PELO: variants seen among roughly 807,000 people sequenced by gnomAD.
PELO encodes the protein protein pelota homolog.
In PELO, 19 loss-of-function variants were observed where a neutral mutation model predicts 25.9. The observed-to-expected ratio is 0.73, with a 90% CI of 0.51 to 1.08. PELO has a LOEUF of 1.08. Ranked by LOEUF, PELO falls within the 50% of genes least tolerant of loss-of-function variation. The probability of loss-of-function intolerance (pLI) is 0.00; values close to 1 mark genes in which losing one functional copy is unlikely to be tolerated. For synonymous variants in PELO, 196 were observed against 192.2 expected, an observed-to-expected ratio of 1.02 and a Z score of -0.16; for missense variants, 498 against 491.4, an observed-to-expected ratio of 1.01 and a Z score of -0.13.
In PELO at chr5:52,803,684, T is replaced by C. The variant is rs1301958823; in HGVS notation, c.*1844T>C. On this transcript the variant is annotated 3_prime_UTR_variant, in exon 3 of 3. Transcript: ENST00000274311. Reference sequence around the variant, plus strand: ...TGATTCCAATAGGCGTCAAGGCTAATAGCCACTGATTCAGGCCTTGCTATT... The same window carrying C: ...TGATTCCAATAGGCGTCAAGGCTAACAGCCACTGATTCAGGCCTTGCTATT... The C allele has an allele frequency of 6.6e-6, 1 of 152,204 alleles. No individual in the cohort carries two copies. The highest frequency in any genetic ancestry group is 1.5e-5 in the Non-Finnish European group (1 of 68,052). The allele number at this position is 152,204 out of a possible 1,614,324, so 9.4% of individuals were successfully genotyped here.
chr5:52,790,402 A>C (rs1340705433), intron 1 of PELO, among the ~76,000 whole-genome samples: 1 of 152,188 alleles, frequency 6.6e-6, no homozygotes, highest in Non-Finnish European at 1.5e-5. Context: ...CACCAGCTTA[A>C]AACAACATAA....
rs931775998 is a variant in PELO, at chr5:52,801,964, T to A, written c.*124T>A. The A allele has an allele frequency of 1.5e-6, 1 of 670,574 alleles. No homozygotes were observed. Among genetic ancestry groups the A allele is most frequent in the Non-Finnish European group, 2.5e-6 (1 of 404,980 alleles). The allele number at this position is 670,574 out of a possible 1,614,324, so 41.5% of individuals were successfully genotyped here. On this transcript the variant is annotated 3_prime_UTR_variant, in exon 3 of 3. Transcript: ENST00000274311. ...TTGATTCATACAGGGATTTCTTATGTCTTTGGCTACACTAGATATTTTGTG... is the reference window on the plus strand; with the variant it reads ...TTGATTCATACAGGGATTTCTTATGACTTTGGCTACACTAGATATTTTGTG...
intron 1 of PELO, among the ~76,000 whole-genome samples, chr5:52,796,511 T>C (rs558002905): frequency 1.3e-5 from 2 of 152,148 alleles, no homozygotes; most frequent in East Asian, 3.9e-4. Flanking sequence ...CTCAATACTT[T>C]GCTCATTTGG....
In PELO at chr5:52,802,219, T is replaced by C. The variant is rs1748503680; in HGVS notation, c.*379T>C. ...AGTTTTCCTTAGAAAAAGCTTTTGC[T>C]ATCTTATCCTGTTTACATTATTTCT... On this transcript the variant is annotated 3_prime_UTR_variant, in exon 3 of 3. Transcript: ENST00000274311. 6.1e-6 allele frequency: 1 copy of C among 165,256 alleles called. No individual in the cohort carries two copies. The highest frequency in any genetic ancestry group is 5.9e-5 in the Admixed American group (1 of 16,944). The allele number at this position is 165,256 out of a possible 1,614,324, so 10.2% of individuals were successfully genotyped here. A position where few individuals can be genotyped will look rare whatever the true frequency, so the allele number is the denominator to read the frequency against.
rs548285982 is a variant in PELO, at chr5:52,803,219, T to C, written c.*1379T>C. The C allele has an allele frequency of 1.3e-5, 2 of 152,346 alleles. No individual in the cohort carries two copies. Among genetic ancestry groups the C allele is most frequent in the South Asian group, 2.1e-4 (1 of 4,828 alleles). The allele number at this position is 152,346 out of a possible 1,614,324, so 9.4% of individuals were successfully genotyped here. A position where few individuals can be genotyped will look rare whatever the true frequency, so the allele number is the denominator to read the frequency against. Reference sequence around the variant, plus strand: ...CTAGTCTGAACCTTTTTATTTCTTATTGGGAACTGACACTTCCCTATACTT... The same window carrying C: ...CTAGTCTGAACCTTTTTATTTCTTACTGGGAACTGACACTTCCCTATACTT... On this transcript the variant is annotated 3_prime_UTR_variant, in exon 3 of 3. Transcript: ENST00000274311.
At chr5:52,788,636 A>T (rs1748177662) in intron 1 of PELO, among the ~76,000 whole-genome samples, 1 of 152,164 alleles carries the variant, frequency 6.6e-6, no homozygotes, top group Non-Finnish European at 1.5e-5. Context: ...TCACCCTAGG[A>T]GTAGGAGTGA....
chr5:52,801,110 A>G lies in PELO; in HGVS notation c.716A>G (p.Lys239Arg), dbSNP rs75328051. The stretch of plus-strand genomic sequence containing the variant: ...AAACTGCTCCTGGAAAACCGGTCCA[A>G]ATTTCTTCAGGTAAAACAATCTTAC... Reference protein sequence around the residue: ...DNKLLLENRSKFLQVHASSGH... With the variant: ...DNKLLLENRSRFLQVHASSGH... The change falls in exon 2 of 3, where the codon AAA (lysine) becomes AGA (arginine). Residue 239 changes from lysine (K) to arginine (R), a missense_variant. Transcript: ENST00000274311. 309 of 1,601,296 alleles carry G rather than the reference A, an allele frequency of 1.9e-4. 2 individuals carry two copies. In the East Asian group the frequency reaches 6.1e-3, roughly 32 times the overall value.
chr5:52,800,686 G>T lies in PELO; in HGVS notation c.292G>T (p.Ala98Ser). The T allele has an allele frequency of 6.2e-7, 1 of 1,614,158 alleles. No individual in the cohort carries two copies. Among genetic ancestry groups the T allele is most frequent in the Non-Finnish European group, 8.5e-7 (1 of 1,180,012 alleles). ...AGAGAATGAGTATGTCAAGATGGGG[G>T]CTTACCACACCATCGAGCTGGAGCC... ...IQENEYVKMGAYHTIELEPNR... is the reference protein window; with the variant it reads ...IQENEYVKMGSYHTIELEPNR... The change falls in exon 2 of 3, where the codon GCT becomes TCT. Residue 98 changes from alanine (A) to serine (S), a missense_variant. Physicochemically the swap from Ala to Ser is moderately conservative, Grantham distance 99. Coordinates refer to ENST00000274311, the MANE Select transcript of PELO (RefSeq NM_015946.5).
intron 1 of PELO, among the ~76,000 whole-genome samples, chr5:52,796,322 C>T (rs1748341067): frequency 6.6e-6 from 1 of 151,700 alleles, no homozygotes; most frequent in Admixed American, 6.6e-5. Context: ...CTTTTTTCCC[C>T]TTCTGGAGAG....
In PELO at chr5:52,801,839, A is replaced by G. The variant is rs1294671750; in HGVS notation, c.1157A>G (p.Ter386=). The change falls in exon 3 of 3, where the codon TAA becomes TGA. Residue 386 remains the stop codon, a stop_retained_variant. Transcript: ENST00000274311. ...QEGDSSSEED[*] ...GGTGATTCCAGTTCTGAAGAGGATT[A>G]ATGATTGAAACTTAAAATTGAGACA... The G allele has an allele frequency of 1.9e-6, 3 of 1,579,004 alleles. No homozygotes were observed. The highest frequency in any genetic ancestry group is 2.3e-5 in the South Asian group (2 of 86,740).
rs761392908 is a variant in PELO, at chr5:52,800,749, A to G, written c.355A>G (p.Ser119Gly). 6.2e-7 allele frequency: 1 copy of G among 1,614,226 alleles called. No homozygotes were observed. Among genetic ancestry groups the G allele is most frequent in the Non-Finnish European group, 8.5e-7 (1 of 1,180,042 alleles). The change falls in exon 2 of 3, where the codon AGT becomes GGT. Residue 119 changes from serine (S) to glycine (G), a missense_variant. Ser to Gly is a moderately conservative substitution (Grantham distance 56). Coordinates refer to ENST00000274311, the MANE Select transcript of PELO (RefSeq NM_015946.5). ...QFTLAKKQWD[S>G]VVLERIEQAC... Reference sequence around the variant, plus strand: ...CACCCTGGCCAAGAAGCAGTGGGATAGTGTGGTACTGGAGCGCATCGAGCA... The same window carrying G: ...CACCCTGGCCAAGAAGCAGTGGGATGGTGTGGTACTGGAGCGCATCGAGCA...
chr5:52,793,129 C>T (rs1229522587), intron 1 of PELO, among the ~76,000 whole-genome samples: 22 of 152,014 alleles, frequency 1.4e-4, no homozygotes. Flanking sequence ...CATGTGTATC[C>T]CAGCACCTTT....
intron 1 of PELO, among the ~76,000 whole-genome samples, chr5:52,795,417 C>A (rs1748322238): frequency 6.6e-6 from 1 of 151,816 alleles, no homozygotes; most frequent in Non-Finnish European, 1.5e-5. Flanking sequence ...GTTTAAGGGT[C>A]ACAAGCTAAG....
At chr5:52,792,337 A>C (rs1213732269) in intron 1 of PELO, among the ~76,000 whole-genome samples, 1 of 152,190 alleles carries the variant, frequency 6.6e-6, no homozygotes, top group East Asian at 1.9e-4. Flanking sequence ...CAGACAATGT[A>C]TTGTCAGGAA....
At position 52,803,272 on chromosome 5, in the gene PELO, CATCT is replaced by C. The variant is rs1379399574; in HGVS notation, c.*1437_*1440del. The C allele has an allele frequency of 6.6e-6, 1 of 152,120 alleles. No homozygotes were observed. Among genetic ancestry groups the C allele is most frequent in the African/African-American group, 2.4e-5 (1 of 41,412 alleles). The allele number at this position is 152,120 out of a possible 1,614,324, so 9.4% of individuals were successfully genotyped here. A position where few individuals can be genotyped will look rare whatever the true frequency, so the allele number is the denominator to read the frequency against. On this transcript the variant is annotated 3_prime_UTR_variant, in exon 3 of 3. Transcript: ENST00000274311. ...AAACTCACATATGTATATTTTTGTA[CATCT>C]ATCTCCTAATTCAAAAGTAATTGAG...
chr5:52,790,348 C>G (rs1748214491), intron 1 of PELO, among the ~76,000 whole-genome samples: 1 of 152,222 alleles, frequency 6.6e-6, no homozygotes, highest in South Asian at 2.1e-4. Flanking sequence ...TCCTACTACT[C>G]CTATGTCAGT....
At chr5:52,792,054 T>C (rs1433121128) in intron 1 of PELO, among the ~76,000 whole-genome samples, 1 of 152,220 alleles carries the variant, frequency 6.6e-6, no homozygotes, top group East Asian at 1.9e-4. Flanking sequence ...TACAAGTCAA[T>C]CTTTTATTTC....
chr5:52,800,779 TG>T lies in PELO; in HGVS notation c.386del (p.Cys129LeufsTer23). 1 of 1,614,000 alleles carries T rather than the reference TG, an allele frequency of 6.2e-7. No individual in the cohort carries two copies. The highest frequency in any genetic ancestry group is 8.5e-7 in the Non-Finnish European group (1 of 1,179,906). ...GGTACTGGAGCGCATCGAGCAGGCC[TG>T]TGACCCAGCCTGGAGCGCTGATGTG... ...SVVLERIEQACDPAWSADVAA... is the reference protein window; with the variant it reads ...SVVLERIEQAXDPAWSADVAA... On this transcript the variant is annotated frameshift_variant, in exon 2 of 3. Transcript: ENST00000274311. LOFTEE classifies it high-confidence loss of function.
intron 1 of PELO, among the ~76,000 whole-genome samples, chr5:52,793,706 A>C (rs2111645242): frequency 6.6e-6 from 1 of 152,168 alleles, no homozygotes; most frequent in Non-Finnish European, 1.5e-5. Context: ...TGTTCCTCTC[A>C]GTTCTCTTCA....
Sources: gnomAD v4.1 joint callset for allele counts (sites outside exome capture counted in the v4.1 genomes callset) on GRCh38, gnomAD v4.1.1 for gene constraint, MANE v1.5 for transcripts, NCBI Gene and HGNC (gene_info 2026-07-23, HGNC 2026-07-21) for gene names.